The following ADAM22 variants were observed in gnomAD, a reference collection of about 807,000 sequenced individuals.
The protein encoded by ADAM22 is disintegrin and metalloproteinase domain-containing protein 22.
ADAM22 carries 65 observed loss-of-function variants against 144.6 expected under a neutral mutation model. The observed-to-expected ratio is 0.45, with a 90% CI of 0.37 to 0.55. ADAM22 has a LOEUF of 0.55. ADAM22 is among the 20% of genes least tolerant of loss of function. The probability of loss-of-function intolerance (pLI) is 0.00; values close to 1 mark genes in which losing one functional copy is unlikely to be tolerated. For missense variants in ADAM22, 974 were observed against 1,184.9 expected (o/e 0.82, Z 2.61); for synonymous variants, 391 against 412.6 (o/e 0.95, Z 0.63).
At chr7:87,938,865 G>T (rs1182369818) in intron 2 of ADAM22, among the ~76,000 whole-genome samples, 1 of 152,024 alleles carries the variant, frequency 6.6e-6, no homozygotes, top group Non-Finnish European at 1.5e-5. Context: ...TAGCCAGGAT[G>T]GTCTCAATCT....
intron 7 of ADAM22, among the ~76,000 whole-genome samples, chr7:88,122,155 C>A (rs1013346397): frequency 4.6e-5 from 7 of 152,144 alleles, no homozygotes; most frequent in Non-Finnish European, 7.3e-5. Context: ...TTCTTCTTAG[C>A]CTCTTAGACC....
Position 88,053,591 on chromosome 7 carries a change from G to GGAAAGAAA in ADAM22, c.324-21982_324-21975dup, listed in dbSNP as rs1214968746. ...AGGAAGGAGGAAAGGAAGGAAGGAA[G>GGAAAGAAA]GAAAGAAAGAAAGAAAGAAAGAAAG... On this transcript the variant is annotated intron_variant, in intron 3 of 31. Coordinates refer to ENST00000413139, the MANE Select transcript of ADAM22 (RefSeq NM_001324418.2). 8.8e-3 allele frequency among the ~76,000 whole-genome samples: 993 copies of GGAAAGAAA among 113,280 alleles called. 9 individuals are homozygous for GGAAAGAAA. The highest frequency in any genetic ancestry group is 0.012 in the Non-Finnish European group (697 of 56,106). 74.3% of individuals were successfully genotyped at this position (113,280 alleles called of 152,430 possible).
At chr7:87,960,928 T>C (rs1847870041) in intron 2 of ADAM22, among the ~76,000 whole-genome samples, 1 of 152,166 alleles carries the variant, frequency 6.6e-6, no homozygotes. Context: ...GCCTTTGGGA[T>C]ACATCAGTGA....
At chr7:88,189,225 G>A (rs1849034066) in intron 30 of ADAM22, among the ~76,000 whole-genome samples, 1 of 152,072 alleles carries the variant, frequency 6.6e-6, no homozygotes, top group Admixed American at 6.5e-5. Context: ...CAGGACAAGA[G>A]CATTATCTCG....
intron 12 of ADAM22, among the ~76,000 whole-genome samples, chr7:88,133,888 T>G (rs1832410713): frequency 6.6e-6 from 1 of 152,212 alleles, no homozygotes; most frequent in East Asian, 1.9e-4. Flanking sequence ...TTTCATTTGT[T>G]TTCTGAAGCT....
At chr7:88,150,208 G>T (rs1417567413) in intron 18 of ADAM22, among the ~76,000 whole-genome samples, 1 of 152,046 alleles carries the variant, frequency 6.6e-6, no homozygotes, top group Non-Finnish European at 1.5e-5. Context: ...ATTTTTTTCT[G>T]TAACTCCATT....
At chr7:87,971,698 C>T (rs1245032979) in intron 2 of ADAM22, among the ~76,000 whole-genome samples, 1 of 152,156 alleles carries the variant, frequency 6.6e-6, no homozygotes, top group East Asian at 1.9e-4. Context: ...CTGTGTCCCC[C>T]ACCAAAGGAA....
chr7:88,192,461 A>G (rs1162131983), intron 30 of ADAM22, among the ~76,000 whole-genome samples: 2 of 152,344 alleles, frequency 1.3e-5, no homozygotes, highest in Admixed American at 1.3e-4. Context: ...AGCAGCTTAC[A>G]TAGAAATGCT....
intron 22 of ADAM22, among the ~76,000 whole-genome samples, chr7:88,160,221 G>T (rs1048228513): frequency 6.6e-6 from 1 of 151,946 alleles, no homozygotes; most frequent in Non-Finnish European, 1.5e-5. Flanking sequence ...CTCTGCAATG[G>T]GAATTACAAA....
chr7:88,077,183 A>G (rs1814801197), intron 4 of ADAM22, among the ~76,000 whole-genome samples: 1 of 152,226 alleles, frequency 6.6e-6, no homozygotes, highest in Admixed American at 6.5e-5. Flanking sequence ...TTTATTACAT[A>G]GTAAAGCTTT....
At chr7:88,139,468 T>C (rs1279699776) in intron 14 of ADAM22, among the ~76,000 whole-genome samples, 1 of 151,232 alleles carries the variant, frequency 6.6e-6, no homozygotes. Context: ...AAGGAGGGGC[T>C]TTGAAAAAAG....
chr7:88,083,154 A>G (rs1451598440), intron 4 of ADAM22, among the ~76,000 whole-genome samples: 2 of 152,244 alleles, frequency 1.3e-5, no homozygotes, highest in Non-Finnish European at 2.9e-5. Flanking sequence ...AATACTATGC[A>G]GCCATAAAAA....
chr7:87,973,724 G>A (rs908933840), intron 2 of ADAM22, among the ~76,000 whole-genome samples: 22 of 152,088 alleles, frequency 1.4e-4, no homozygotes, highest in African/African-American at 5.3e-4. Flanking sequence ...TTAAGAAAAT[G>A]TGGCACATAT....
At chr7:87,936,968 T>A (rs1031188042) in intron 2 of ADAM22, among the ~76,000 whole-genome samples, 2 of 152,140 alleles carry the variant, frequency 1.3e-5, no homozygotes, top group South Asian at 2.1e-4. Context: ...TATTTATTTA[T>A]TTTTTGTGAC....
At chr7:88,107,194 A>ATTTCT (rs1824623033) in intron 4 of ADAM22, among the ~76,000 whole-genome samples, 1 of 132,226 alleles carries the variant, frequency 7.6e-6, no homozygotes, top group Admixed American at 7.6e-5. Flanking sequence ...TCATGATTGA[A>ATTTCT]TTTCTTTTTT....
At chr7:87,936,919 G>C (rs1841374185) in intron 2 of ADAM22, among the ~76,000 whole-genome samples, 1 of 151,458 alleles carries the variant, frequency 6.6e-6, no homozygotes, top group African/African-American at 2.4e-5. Flanking sequence ...AGTTTGTCTG[G>C]ACCAGGACCC....
In ADAM22 at chr7:87,972,929, T is replaced by C. The variant is rs1202275969; in HGVS notation, c.247-5407T>C. ...AACTGGATCCCTTCCTTACACCTTA[T>C]ACAAAAATTAATTCAAGATGGATTA... On this transcript the variant is annotated intron_variant, in intron 2 of 31. Transcript: ENST00000413139. Among the ~76,000 whole-genome samples the C allele has an allele frequency of 3.3e-5, 5 of 152,246 alleles. No individual in the cohort carries two copies. In the East Asian group the frequency reaches 9.6e-4, roughly 29 times the overall value.
intron 3 of ADAM22, among the ~76,000 whole-genome samples, chr7:88,060,062 A>C (rs545819314): frequency 2.7e-3 from 407 of 152,312 alleles, no homozygotes; most frequent in South Asian, 5.0e-3. Flanking sequence ...GTGCAACAGC[A>C]TTATGTCTAA....
rs117730783 is a variant in ADAM22, at chr7:88,127,258, C to T, written c.679-1344C>T. Among the ~76,000 whole-genome samples the T allele has an allele frequency of 2.4e-3, 363 of 152,002 alleles. 6 individuals are homozygous for T. The East Asian group carries it at 0.032, about 13-fold the overall frequency. ...CATGTACCCTGAAGTTCCTCATAAA[C>T]ATCTCAGCATCTAATCATTTGCTAA... On this transcript the variant is annotated intron_variant, in intron 8 of 31. Coordinates refer to ENST00000413139, the MANE Select transcript of ADAM22 (RefSeq NM_001324418.2).
Sources: allele counts gnomAD v4.1 joint callset (sites outside exome capture counted in the v4.1 genomes callset), GRCh38; gene constraint gnomAD v4.1.1; transcripts MANE v1.5; gene names NCBI Gene and HGNC (gene_info 2026-07-23, HGNC 2026-07-21).